CPSF7: variants seen among roughly 807,000 people sequenced by gnomAD.
CPSF7 encodes cleavage and polyadenylation specific factor 7.
CPSF7 carries 1 observed loss-of-function variant against 44.3 expected under a neutral mutation model. The observed-to-expected ratio is 0.02, with a 90% CI of 0.01 to 0.11. The LOEUF (loss-of-function observed/expected upper bound fraction) is 0.11. CPSF7 is among the 10% of genes least tolerant of loss of function. The probability of loss-of-function intolerance (pLI) is 1.00; values close to 1 mark genes in which losing one functional copy is unlikely to be tolerated. For missense variants in CPSF7, 443 were observed against 607.2 expected (o/e 0.73, Z 2.84); for synonymous variants, 202 against 222.0 (o/e 0.91, Z 0.80).
At chr11:61,420,364 G>A in intron 4 of CPSF7, 106 bp downstream of exon 4, 2 of 1,019,272 alleles carry the variant, frequency 2.0e-6, no homozygotes, top group South Asian at 3.0e-5. Context: ...AAGGCAGTAA[G>A]CTGGGCCAGG....
chr11:61,420,346 C>T (rs1337834914), intron 4 of CPSF7, 124 bp downstream of exon 4: 3 of 908,332 alleles, frequency 3.3e-6, no homozygotes, highest in South Asian at 1.6e-5. Context: ...AGGCAGTTTG[C>T]CAAAACCAAG....
At chr11:61,415,479 A>G (rs745637471) in intron 7 of CPSF7, among the ~76,000 whole-genome samples, 187 bp downstream of exon 7, 2 of 152,234 alleles carry the variant, frequency 1.3e-5, no homozygotes, top group Admixed American at 6.5e-5. Flanking sequence ...GATACAGACT[A>G]AGTAATACTG....
chr11:61,412,001 G>T, intron 7 of CPSF7, 64 bp from the exon 8 acceptor site: 1 of 1,441,048 alleles, frequency 6.9e-7, no homozygotes, highest in Non-Finnish European at 9.7e-7. Flanking sequence ...TGGACCAAAA[G>T]GAGAACTCAG....
intron 2 of CPSF7, among the ~76,000 whole-genome samples, chr11:61,425,393 T>C (rs974936041): frequency 4.6e-5 from 7 of 152,248 alleles, no homozygotes; most frequent in African/African-American, 1.7e-4. Context: ...CATGCACTGA[T>C]GTTCAAAGTT....
intron 5 of CPSF7, 24 bp from the exon 6 acceptor site, chr11:61,416,543 G>A (rs767034981): frequency 3.7e-5 from 59 of 1,612,412 alleles, no homozygotes; most frequent in East Asian, 2.2e-5. Context: ...CAGAACTGAT[G>A]TTACTGCCCA....
intron 3 of CPSF7, chr11:61,420,885 C>A: frequency 2.0e-6 from 1 of 489,666 alleles, no homozygotes; most frequent in Admixed American, 2.8e-5. Flanking sequence ...ATCTGTCAGG[C>A]TAGAGTTGAC....
intron 2 of CPSF7, 188 bp downstream of exon 2, chr11:61,428,994 C>A: frequency 2.3e-6 from 1 of 441,170 alleles, no homozygotes; most frequent in Non-Finnish European, 4.1e-6. Context: ...AAAATTAAGC[C>A]TGGAGCTTCA....
chr11:61,407,218 G>C (rs1369284203), intron 9 of CPSF7, among the ~76,000 whole-genome samples: 2 of 152,198 alleles, frequency 1.3e-5, no homozygotes, highest in Non-Finnish European at 2.9e-5. Context: ...CAGGAATGGT[G>C]ACATGCATTT....
intron 2 of CPSF7, among the ~76,000 whole-genome samples, chr11:61,422,418 A>G (rs919666171): frequency 2.0e-5 from 3 of 151,612 alleles, no homozygotes; most frequent in Non-Finnish European, 4.4e-5. Flanking sequence ...GGCTCATGTG[A>G]TCCTCCCACT....
At chr11:61,422,999 G>A (rs966910458) in intron 2 of CPSF7, among the ~76,000 whole-genome samples, 3 of 150,696 alleles carry the variant, frequency 2.0e-5, no homozygotes, top group Non-Finnish European at 1.5e-5. Flanking sequence ...TGGGCATGGT[G>A]GCACACATCT....
At chr11:61,417,210 A>G (rs542540249) in intron 5 of CPSF7, among the ~76,000 whole-genome samples, 1 of 152,324 alleles carries the variant, frequency 6.6e-6, no homozygotes, top group East Asian at 1.9e-4. Context: ...ATGCTTAGCA[A>G]AAGCTTGCTA....
chr11:61,422,739 T>C (rs1210768931), intron 2 of CPSF7, among the ~76,000 whole-genome samples: 1 of 152,176 alleles, frequency 6.6e-6, no homozygotes, highest in Non-Finnish European at 1.5e-5. Context: ...TTATGGAAAA[T>C]GTGCAAAATA....
chr11:61,417,841 T>C (rs1293360981), intron 5 of CPSF7, among the ~76,000 whole-genome samples: 5 of 152,346 alleles, frequency 3.3e-5, no homozygotes, highest in South Asian at 2.1e-4. Flanking sequence ...AACATTTCTA[T>C]GCAGAGGAAG....
intron 1 of CPSF7, 117 bp from the exon 2 acceptor site, chr11:61,429,407 G>T: frequency 3.2e-6 from 2 of 632,638 alleles, no homozygotes; most frequent in Non-Finnish European, 5.5e-6. Flanking sequence ...GCCCCAGCTC[G>T]GCCCCACCCG....
intron 9 of CPSF7, among the ~76,000 whole-genome samples, chr11:61,409,074 A>T (rs761732395): frequency 1.3e-5 from 2 of 151,918 alleles, no homozygotes; most frequent in Non-Finnish European, 2.9e-5. Flanking sequence ...CAGGAGGTTG[A>T]TGTTACAGAG....
intron 2 of CPSF7, chr11:61,426,746 G>A (rs1003186396): frequency 2.6e-5 from 4 of 152,216 alleles, no homozygotes; most frequent in Admixed American, 6.5e-5. Context: ...TAACAAAGGT[G>A]GCTGGGTACG....
intron 7 of CPSF7, among the ~76,000 whole-genome samples, chr11:61,414,583 A>G (rs918988091): frequency 6.6e-6 from 1 of 152,232 alleles, no homozygotes; most frequent in African/African-American, 2.4e-5. Flanking sequence ...AAACTGATGG[A>G]AAGCAGATGA....
intron 2 of CPSF7, among the ~76,000 whole-genome samples, chr11:61,428,636 A>C (rs1861631716): frequency 6.6e-6 from 1 of 152,202 alleles, no homozygotes; most frequent in African/African-American, 2.4e-5. Flanking sequence ...AACCAATACA[A>C]TTTATTATAC....
chr11:61,429,499 C>T (rs1294329123), intron 1 of CPSF7: 1 of 529,942 alleles, frequency 1.9e-6, no homozygotes. Context: ...CGGGCCCGAC[C>T]CGGGTAGCGC....
Sources: gnomAD v4.1 joint callset for allele counts (sites outside exome capture counted in the v4.1 genomes callset) on GRCh38, gnomAD v4.1.1 for gene constraint, MANE v1.5 for transcripts, NCBI Gene and HGNC (gene_info 2026-07-23, HGNC 2026-07-21) for gene names.